The following ARHGAP12 variants were observed in gnomAD, a reference collection of about 807,000 sequenced individuals.
ARHGAP12 encodes rho GTPase-activating protein 12.
ARHGAP12 carries 64 observed loss-of-function variants against 108.6 expected under a neutral mutation model. The ratio of observed to expected loss-of-function variants is 0.59; its 90% CI spans 0.48 to 0.73. The LOEUF (loss-of-function observed/expected upper bound fraction) is 0.73, where lower values mean the gene tolerates loss of function less well. Among genes scored for constraint, ARHGAP12 ranks in the 30% least tolerant of loss-of-function variants. The probability of loss-of-function intolerance (pLI) is 0.00; values close to 1 mark genes in which losing one functional copy is unlikely to be tolerated. For missense variants in ARHGAP12, 940 were observed against 1,005.9 expected (o/e 0.93, Z 0.89); for synonymous variants, 312 against 337.2 (o/e 0.93, Z 0.82).
At chr10:31,896,421 G>C (rs1838698852) in intron 3 of ARHGAP12, among the ~76,000 whole-genome samples, 1 of 150,960 alleles carries the variant, frequency 6.6e-6, no homozygotes, top group Non-Finnish European at 1.5e-5. Flanking sequence ...AAGCTTTATA[G>C]ATTTCTGGCC....
intron 1 of ARHGAP12, among the ~76,000 whole-genome samples, chr10:31,911,334 G>A (rs376205427): frequency 4.6e-5 from 7 of 152,052 alleles, no homozygotes; most frequent in African/African-American, 1.7e-4. Flanking sequence ...ATTTACTTTC[G>A]AGACACAGTC....
At chr10:31,851,209 T>C (rs1469156096) in intron 6 of ARHGAP12, among the ~76,000 whole-genome samples, 3 of 152,150 alleles carry the variant, frequency 2.0e-5, no homozygotes, top group East Asian at 3.8e-4. Flanking sequence ...TTAATATGAC[T>C]CCGTAATTAA....
chr10:31,828,288 G>T (rs1835698787), intron 10 of ARHGAP12, among the ~76,000 whole-genome samples: 1 of 146,126 alleles, frequency 6.8e-6, no homozygotes, highest in African/African-American at 2.5e-5. Flanking sequence ...GTTAAGTTTT[G>T]CTTTTTTATG....
chr10:31,926,638 C>T (rs571638036), intron 1 of ARHGAP12, among the ~76,000 whole-genome samples: 1 of 152,284 alleles, frequency 6.6e-6, no homozygotes, highest in Non-Finnish European at 1.5e-5. Flanking sequence ...TTAGTTTTTA[C>T]TCCATTTAAA....
At chr10:31,871,518 C>T (rs908254936) in intron 3 of ARHGAP12, among the ~76,000 whole-genome samples, 2 of 152,092 alleles carry the variant, frequency 1.3e-5, no homozygotes, top group African/African-American at 4.8e-5. Flanking sequence ...GTCTCTTCAC[C>T]CTGTCACAGA....
At chr10:31,852,712 C>T in intron 5 of ARHGAP12, 115 bp from the exon 6 acceptor site, 2 of 471,886 alleles carry the variant, frequency 4.2e-6, no homozygotes, top group South Asian at 2.5e-5. Flanking sequence ...TGATCAAGAA[C>T]ATTGCAACAA....
intron 4 of ARHGAP12, among the ~76,000 whole-genome samples, chr10:31,857,310 T>A (rs1257236168): frequency 6.6e-6 from 1 of 152,040 alleles, no homozygotes; most frequent in Non-Finnish European, 1.5e-5. Context: ...GAAACTCCCC[T>A]AAACAAATAA....
At chr10:31,910,857 G>A (rs1839312940) in intron 1 of ARHGAP12, among the ~76,000 whole-genome samples, 1 of 152,080 alleles carries the variant, frequency 6.6e-6, no homozygotes. Flanking sequence ...CTAAACTTCT[G>A]ATTATACAAC....
At chr10:31,830,934 G>A (rs1664769776) in intron 10 of ARHGAP12, among the ~76,000 whole-genome samples, 1 of 152,218 alleles carries the variant, frequency 6.6e-6, no homozygotes, top group Non-Finnish European at 1.5e-5. Context: ...CACGGCTCCT[G>A]GAGGCAGAAA....
chr10:31,889,498 C>G (rs1036239057), intron 3 of ARHGAP12, among the ~76,000 whole-genome samples: 2 of 151,748 alleles, frequency 1.3e-5, no homozygotes, highest in African/African-American at 4.8e-5. Flanking sequence ...GTATTACTTT[C>G]TACTTTCTAA....
intron 1 of ARHGAP12, among the ~76,000 whole-genome samples, chr10:31,920,183 T>A (rs1326140254): frequency 6.6e-6 from 1 of 151,094 alleles, no homozygotes; most frequent in Non-Finnish European, 1.5e-5. Context: ...CCGGGCGCAG[T>A]GGCTCACACC....
intron 7 of ARHGAP12, among the ~76,000 whole-genome samples, chr10:31,839,976 G>A (rs1836199141): frequency 6.6e-6 from 1 of 152,116 alleles, no homozygotes; most frequent in South Asian, 2.1e-4. Flanking sequence ...GATACAAGCT[G>A]CCTTAAAATC....
chr10:31,833,671 T>A (rs964673349), intron 9 of ARHGAP12, among the ~76,000 whole-genome samples: 2 of 152,142 alleles, frequency 1.3e-5, no homozygotes, highest in African/African-American at 4.8e-5. Context: ...TCCCATGCAA[T>A]GTGATACATG....
Position 31,812,806 on chromosome 10 carries a change from T to C in ARHGAP12, c.1852A>G (p.Ile618Val), listed in dbSNP as rs1688010016. The C allele has an allele frequency of 2.5e-6, 4 of 1,588,850 alleles. No homozygotes were observed. The highest frequency in any genetic ancestry group is 1.7e-5 in the Admixed American group (1 of 57,816). Reference protein sequence around the residue: ...KKLRSFKVSSIDSSEQKKTKK... With the variant: ...KKLRSFKVSSVDSSEQKKTKK... The stretch of plus-strand genomic sequence containing the variant: ...GTTTTTTTCTGTTCTGAAGAATCTA[T>C]GCTAGATACTTTAAAGGCTTAAGAC... Residue 618 changes from isoleucine (I) to valine (V), a missense_variant, in exon 15 of 20, where the codon ATA becomes GTA. Coordinates refer to ENST00000344936, the MANE Select transcript of ARHGAP12 (RefSeq NM_018287.7).
At position 31,908,651 on chromosome 10, in the gene ARHGAP12, C is replaced by T. The variant is rs1448754188; in HGVS notation, c.205G>A (p.Val69Met). ...AGAGCTTTGCGCGTGACCTCCTTCA[C>T]ATACTGGGCTGGCACATAAAACGCT... ...SKAFYVPAQY[V>M]KEVTRKALMP... is the part of the protein sequence containing the mutation. Residue 69 changes from valine to methionine, a missense_variant, in exon 3 of 20, where the codon GTG becomes ATG. Transcript: ENST00000344936. 1 of 1,614,054 alleles carries T rather than the reference C, an allele frequency of 6.2e-7. No individual in the cohort carries two copies. The highest frequency in any genetic ancestry group is 1.3e-5 in the African/African-American group (1 of 74,944).
chr10:31,874,230 A>G (rs890426436), intron 3 of ARHGAP12, among the ~76,000 whole-genome samples: 9 of 152,230 alleles, frequency 5.9e-5, no homozygotes, highest in Non-Finnish European at 1.3e-4. Flanking sequence ...TTAAATGCCC[A>G]ACATACCATC....
At chr10:31,809,487 T>G (rs1350845965) in intron 16 of ARHGAP12, 180 bp from the exon 17 acceptor site, 3 of 584,446 alleles carry the variant, frequency 5.1e-6, no homozygotes, top group Non-Finnish European at 9.2e-6. Flanking sequence ...AGATGGAGAT[T>G]CGCTCTGAAT....
At position 31,876,222 on chromosome 10, in the gene ARHGAP12, A is replaced by G. The variant is rs191541068; in HGVS notation, c.685-14564T>C. ...CCTATTGCTCTAAAGGTCATCATAA[A>G]AAAAATAACATCAGGCCGGGCACAG... On this transcript the variant is annotated intron_variant, in intron 3 of 19. Transcript: ENST00000344936. Among the ~76,000 whole-genome samples, 138 of 152,330 alleles carry G rather than the reference A, an allele frequency of 9.1e-4. 2 individuals carry two copies. The highest frequency in any genetic ancestry group is 2.4e-3 in the Admixed American group (36 of 15,302).
intron 3 of ARHGAP12, among the ~76,000 whole-genome samples, chr10:31,871,015 G>A (rs562007251): frequency 2.6e-5 from 4 of 152,264 alleles, no homozygotes; most frequent in African/African-American, 9.6e-5. Flanking sequence ...TAATGACACA[G>A]CTAACTGCTG....
Sources: gnomAD v4.1 joint callset for allele counts (sites outside exome capture counted in the v4.1 genomes callset) on GRCh38, gnomAD v4.1.1 for gene constraint, MANE v1.5 for transcripts, NCBI Gene and HGNC (gene_info 2026-07-23, HGNC 2026-07-21) for gene names.